The following GGA1 variants were observed in gnomAD, a reference collection of about 807,000 sequenced individuals.
GGA1 encodes the protein ADP-ribosylation factor-binding protein GGA1.
In GGA1, 18 loss-of-function variants were observed where a neutral mutation model predicts 76.9. The ratio of observed to expected loss-of-function variants is 0.23; its 90% confidence interval spans 0.16 to 0.35. The LOEUF (loss-of-function observed/expected upper bound fraction) is 0.35. Ranked by LOEUF, GGA1 falls within the 10% of genes least tolerant of loss-of-function variation. The probability of loss-of-function intolerance (pLI) is 1.00; values close to 1 mark genes in which losing one functional copy is unlikely to be tolerated. For missense variants in GGA1, 755 were observed against 859.0 expected (o/e 0.88, Z 1.51); for synonymous variants, 342 against 354.7 (o/e 0.96, Z 0.40).
intron 4 of GGA1, 41 bp from the exon 5 acceptor site, chr22:37,620,197 G>A (rs750325233): frequency 4.3e-6 from 7 of 1,611,234 alleles, no homozygotes; most frequent in South Asian, 3.3e-5. Context: ...AAGTGAGTGG[G>A]GCTGGGCAGT....
At chr22:37,626,133 G>C in intron 11 of GGA1, 184 bp downstream of exon 11, 1 of 433,686 alleles carries the variant, frequency 2.3e-6, no homozygotes, top group Non-Finnish European at 4.0e-6. Flanking sequence ...GAGCTTGTGC[G>C]AGGCCACACG....
intron 7 of GGA1, 53 bp downstream of exon 7, chr22:37,621,749 G>A: frequency 4.1e-6 from 5 of 1,220,674 alleles, no homozygotes; most frequent in Non-Finnish European, 2.4e-6. Context: ...GTATTGAGCT[G>A]GGCCACTGAG....
In GGA1 at chr22:37,632,349, T is replaced by A; in HGVS notation, c.1699-56T>A. ...GAGCTGGCAGGCTGGGCCTGGTTCC[T>A]CAGAGCAGGACAAGCAGCCAGGGCT... On this transcript the variant is annotated intron_variant, in intron 15 of 16. Transcript: ENST00000343632. The surrounding 1 kb of genome is among the most constrained non-coding windows in gnomAD (Gnocchi z 5.1). 7.0e-7 allele frequency: 1 copy of A among 1,425,932 alleles called. No homozygotes were observed. The highest frequency in any genetic ancestry group is 9.9e-7 in the Non-Finnish European group (1 of 1,009,710). 88.3% of individuals were successfully genotyped at this position (1,425,932 alleles called of 1,614,324 possible). A position where few individuals can be genotyped will look rare whatever the true frequency, so the allele number is the denominator to read the frequency against.
Position 37,623,854 on chromosome 22 carries a change from T to C in GGA1, c.832+221T>C, listed in dbSNP as rs1286646231. ...GGGCCAGCCCCCTTAACAGGCATCT[T>C]ATTTACTACCCGCAGCTGCACAGGA... is the stretch of plus-strand genomic sequence containing the variant. On this transcript the variant is annotated intron_variant, in intron 9 of 16. Coordinates refer to ENST00000343632, the MANE Select transcript of GGA1 (RefSeq NM_013365.5). The surrounding 1 kb of genome is among the most constrained non-coding windows in gnomAD (Gnocchi z 4.6). 3.7e-6 allele frequency: 2 copies of C among 540,610 alleles called. No individual in the cohort carries two copies. Among genetic ancestry groups the C allele is most frequent in the East Asian group, 6.4e-5 (2 of 31,358 alleles). 33.5% of individuals were successfully genotyped at this position (540,610 alleles called of 1,614,324 possible).
In GGA1 at chr22:37,624,754, C is replaced by G; in HGVS notation, c.833-215C>G. ...GCGGGCCCAGTGTGTTGAGACAGCCCAGGCAGTATGGCAGGGAGTGAATGA... is the reference window on the plus strand; with the variant it reads ...GCGGGCCCAGTGTGTTGAGACAGCCGAGGCAGTATGGCAGGGAGTGAATGA... On this transcript the variant is annotated intron_variant, in intron 9 of 16. Transcript: ENST00000343632. This position sits in a 1 kb window ranked among gnomAD's most constrained non-coding sequence, Gnocchi z 4.3. 1 of 580,720 alleles carries G rather than the reference C, an allele frequency of 1.7e-6. No homozygotes were observed. The highest frequency in any genetic ancestry group is 3.0e-6 in the Non-Finnish European group (1 of 337,538). The allele number at this position is 580,720 out of a possible 1,614,324, so 36.0% of individuals were successfully genotyped here.
At chr22:37,613,200 C>CA in intron 1 of GGA1, 1 of 977,444 alleles carries the variant, frequency 1.0e-6, no homozygotes, top group East Asian at 1.1e-4. Flanking sequence ...TGGTAAGACT[C>CA]ACACTCCTTA....
intron 2 of GGA1, 146 bp downstream of exon 2, chr22:37,614,420 T>C: frequency 1.6e-6 from 1 of 638,276 alleles, no homozygotes; most frequent in East Asian, 2.8e-5. Flanking sequence ...CACTGAATGC[T>C]GTTTGGGTGT....
chr22:37,623,430 G>T lies in GGA1; in HGVS notation c.713G>T (p.Gly238Val). ...LTEMVMSHSQ[G>V]GAAAGSSEDL... is the part of the protein sequence containing the mutation. ...GAGATGGTGATGAGCCACAGCCAGG[G>T]CGGCGCAGCAGCTGGCAGCAGCGAG... Residue 238 changes from glycine to valine, a missense_variant, in exon 8 of 17, where the codon GGC becomes GTC. By Grantham distance (109) the Gly-to-Val change is moderately radical (BLOSUM62 -3). Coordinates refer to ENST00000343632, the MANE Select transcript of GGA1 (RefSeq NM_013365.5). The surrounding 1 kb of genome is among the most constrained non-coding windows in gnomAD (Gnocchi z 4.6). 1 of 1,614,098 alleles carries T rather than the reference G, an allele frequency of 6.2e-7. No individual in the cohort carries two copies. The highest frequency in any genetic ancestry group is 1.3e-5 in the African/African-American group (1 of 75,042).
chr22:37,632,465 G>T lies in GGA1; in HGVS notation c.1759G>T (p.Val587Phe). Residue 587 changes from valine to phenylalanine, a missense_variant, in exon 16 of 17, where the codon GTC (valine) becomes TTC (phenylalanine). Transcript: ENST00000343632. The surrounding 1 kb of genome is among the most constrained non-coding windows in gnomAD (Gnocchi z 5.1). ...GGAGCTGCCAGCTTTTAACCCCATC[G>T]TCCACCCCTCAGCAATCACCCAGGT... ...GTELPAFNPIVHPSAITQVLL... is the reference protein window; with the variant it reads ...GTELPAFNPIFHPSAITQVLL... The T allele has an allele frequency of 6.2e-7, 1 of 1,613,972 alleles. No individual in the cohort carries two copies. Among genetic ancestry groups the T allele is most frequent in the South Asian group, 1.1e-5 (1 of 91,080 alleles).
chr22:37,630,301 C>A, intron 13 of GGA1, 131 bp downstream of exon 13: 1 of 644,166 alleles, frequency 1.6e-6, no homozygotes, highest in Non-Finnish European at 2.5e-6. Flanking sequence ...GCAGCAGATG[C>A]CAAGCAGTGC....
At chr22:37,630,724 GC>G in intron 13 of GGA1, 178 bp from the exon 14 acceptor site, 1 of 577,746 alleles carries the variant, frequency 1.7e-6, no homozygotes, top group Non-Finnish European at 3.0e-6. Flanking sequence ...GCGCTACCAC[GC>G]CCAGCTAGTT....
At chr22:37,630,257 G>A in intron 13 of GGA1, 87 bp downstream of exon 13, 1 of 960,974 alleles carries the variant, frequency 1.0e-6, no homozygotes, top group Non-Finnish European at 1.5e-6. Context: ...TCCAGGCCCA[G>A]CAGGGAGAGG....
chr22:37,609,815 C>T (rs1927167918), intron 1 of GGA1, among the ~76,000 whole-genome samples: 1 of 152,198 alleles, frequency 6.6e-6, no homozygotes, highest in Admixed American at 6.5e-5. Flanking sequence ...GTTGGGACCC[C>T]GTCGTTGCCA....
chr22:37,615,129 T>C (rs964374815), intron 2 of GGA1, among the ~76,000 whole-genome samples: 5 of 149,432 alleles, frequency 3.3e-5, no homozygotes, highest in Admixed American at 1.3e-4. Flanking sequence ...CGGGGCAACA[T>C]AGCGAGACAT....
intron 11 of GGA1, among the ~76,000 whole-genome samples, chr22:37,627,870 G>C (rs1365104385): frequency 6.6e-6 from 1 of 152,242 alleles, no homozygotes; most frequent in Non-Finnish European, 1.5e-5. Flanking sequence ...AGGGGTGGGA[G>C]ACAGGTTCCT....
Position 37,625,727 on chromosome 22 carries a change from C to A in GGA1, c.941-70C>A. The stretch of plus-strand genomic sequence containing the variant: ...CATCGGGGGTTAGGTGTTGCTCCCC[C>A]GCAACCCCTGTGGACTCTGAGAGAC... On this transcript the variant is annotated intron_variant, in intron 10 of 16. Transcript: ENST00000343632. This position sits in a 1 kb window ranked among gnomAD's most constrained non-coding sequence, Gnocchi z 4.1. 1 of 1,261,586 alleles carries A rather than the reference C, an allele frequency of 7.9e-7. No homozygotes were observed. The highest frequency in any genetic ancestry group is 1.1e-6 in the Non-Finnish European group (1 of 934,152). The allele number at this position is 1,261,586 out of a possible 1,614,324, so 78.1% of individuals were successfully genotyped here. A position where few individuals can be genotyped will look rare whatever the true frequency, so the allele number is the denominator to read the frequency against.
intron 3 of GGA1, 86 bp from the exon 4 acceptor site, chr22:37,618,362 C>T (rs1032949530): frequency 5.3e-6 from 4 of 749,726 alleles, no homozygotes; most frequent in Non-Finnish European, 7.1e-6. Flanking sequence ...CACCCATGGG[C>T]TTCTGGCCCC....
intron 11 of GGA1, chr22:37,626,705 G>A (rs1046198807): frequency 6.6e-6 from 1 of 152,314 alleles, no homozygotes; most frequent in African/African-American, 2.4e-5. Context: ...AGACCCGAAG[G>A]CCTTGAAGAA....
At chr22:37,609,603 A>C (rs548526777) in intron 1 of GGA1, among the ~76,000 whole-genome samples, 2 of 151,966 alleles carry the variant, frequency 1.3e-5, no homozygotes, top group Non-Finnish European at 1.5e-5. Flanking sequence ...AGGCTTCTAC[A>C]CCCCTTTTTT....
Sources: allele counts gnomAD v4.1 joint callset (sites outside exome capture counted in the v4.1 genomes callset), GRCh38; gene constraint gnomAD v4.1.1; non-coding constraint Gnocchi (gnomAD v3.1); transcripts MANE v1.5; gene names NCBI Gene and HGNC (gene_info 2026-07-23, HGNC 2026-07-21).